Variants in SFSWAP observed in about 807,000 individuals in gnomAD.
SFSWAP encodes the protein splicing factor SWAP.
In SFSWAP, 17 loss-of-function variants were observed where a neutral mutation model predicts 100.7. That is an observed-to-expected ratio of 0.17 (90% CI 0.12 to 0.25). The LOEUF is 0.25. SFSWAP is among the 10% of genes least tolerant of loss of function. The pLI is 1.00. For synonymous variants in SFSWAP, 504 were observed against 510.1 expected, an observed-to-expected ratio of 0.99 and a Z score of 0.16; for missense variants, 1,005 against 1,262.6, an observed-to-expected ratio of 0.80 and a Z score of 3.09.
chr12:131,760,854 A>G (rs991774513), intron 11 of SFSWAP, among the ~76,000 whole-genome samples: 1 of 152,170 alleles, frequency 6.6e-6, no homozygotes, highest in Admixed American at 6.5e-5. Context: ...GGGGCAGATC[A>G]CGAAGTCGGG....
chr12:131,711,568 A>AC lies in SFSWAP; in HGVS notation c.218+126dup, dbSNP rs1877347948. ...TGGAGCCAGCGGGGATCTGGGGGACACCCCCTCCCCTGTCCCCACCTCCTC... is the reference window on the plus strand; with the variant it reads ...TGGAGCCAGCGGGGATCTGGGGGACACCCCCCTCCCCTGTCCCCACCTCCTC... On this transcript the variant is annotated intron_variant, in intron 1 of 17. Coordinates refer to ENST00000261674, the MANE Select transcript of SFSWAP (RefSeq NM_004592.4). This position sits in a 1 kb window ranked among gnomAD's most constrained non-coding sequence, Gnocchi z 4.9. 2.5e-6 allele frequency: 2 copies of AC among 808,210 alleles called. No individual in the cohort carries two copies. The highest frequency in any genetic ancestry group is 4.0e-6 in the Non-Finnish European group (2 of 503,404). The allele number at this position is 808,210 out of a possible 1,614,324, so 50.1% of individuals were successfully genotyped here.
intron 6 of SFSWAP, among the ~76,000 whole-genome samples, chr12:131,727,611 C>T (rs979760805): frequency 2.6e-5 from 4 of 152,072 alleles, no homozygotes; most frequent in South Asian, 2.1e-4. Context: ...CACTACTGCA[C>T]GCCAGCCTGG....
intron 15 of SFSWAP, among the ~76,000 whole-genome samples, chr12:131,795,545 C>T (rs1885576121): frequency 6.6e-6 from 1 of 152,202 alleles, no homozygotes; most frequent in Non-Finnish European, 1.5e-5. Flanking sequence ...GCACCCCAGA[C>T]TCTGAGCACA....
At chr12:131,741,978 G>A (rs1262257529) in intron 7 of SFSWAP, among the ~76,000 whole-genome samples, 2 of 152,116 alleles carry the variant, frequency 1.3e-5, no homozygotes, top group Non-Finnish European at 2.9e-5. Context: ...TGGTGTGGGT[G>A]GATTCTCCTT....
intron 11 of SFSWAP, among the ~76,000 whole-genome samples, chr12:131,759,969 T>C (rs901564218): frequency 1.2e-4 from 18 of 152,188 alleles, no homozygotes; most frequent in African/African-American, 3.9e-4. Flanking sequence ...CTCTCAGATG[T>C]TGATGATGAA....
intron 7 of SFSWAP, among the ~76,000 whole-genome samples, chr12:131,747,437 G>C (rs556892347): frequency 6.6e-6 from 1 of 152,224 alleles, no homozygotes; most frequent in African/African-American, 2.4e-5. Flanking sequence ...TGGGGGATGG[G>C]ACAGCAATGG....
intron 7 of SFSWAP, among the ~76,000 whole-genome samples, chr12:131,731,870 A>G (rs1003240686): frequency 4.0e-5 from 5 of 126,008 alleles, no homozygotes; most frequent in African/African-American, 1.5e-4. Flanking sequence ...TTTCATTTTC[A>G]TGATGTTTTT....
chr12:131,795,134 ATGT>A (rs903102561), intron 15 of SFSWAP, among the ~76,000 whole-genome samples: 9 of 152,358 alleles, frequency 5.9e-5, no homozygotes, highest in Middle Eastern at 3.4e-3. Flanking sequence ...AGTAAACAAC[ATGT>A]TGTCCTCACT....
chr12:131,721,445 G>C (rs1294103076), intron 4 of SFSWAP, among the ~76,000 whole-genome samples: 1 of 152,074 alleles, frequency 6.6e-6, no homozygotes, highest in Non-Finnish European at 1.5e-5. Flanking sequence ...TCTGAAATAT[G>C]TTTATTATGC....
At position 131,789,311 on chromosome 12, in the gene SFSWAP, C is replaced by G. The variant is rs559091732; in HGVS notation, c.2534+2723C>G. ...TCTGTAAACTGATTATTGCCTGATT[C>G]TTTCACTGACTTCTCACTTGGAAAC... On this transcript the variant is annotated intron_variant, in intron 15 of 17. Coordinates refer to ENST00000261674, the MANE Select transcript of SFSWAP (RefSeq NM_004592.4). 6.6e-5 allele frequency among the ~76,000 whole-genome samples: 10 copies of G among 152,280 alleles called. No individual in the cohort carries two copies. In the South Asian group the frequency reaches 2.1e-3, roughly 32 times the overall value.
intron 8 of SFSWAP, 41 bp from the exon 9 acceptor site, chr12:131,754,327 G>A (rs372259305): frequency 1.0e-5 from 15 of 1,458,880 alleles, no homozygotes; most frequent in Non-Finnish European, 1.4e-5. Context: ...AGCTTGGCGA[G>A]CCCCTGAAGC....
intron 7 of SFSWAP, among the ~76,000 whole-genome samples, chr12:131,747,103 CAAAAA>C (rs398021689): frequency 2.1e-5 from 2 of 96,914 alleles, no homozygotes; most frequent in Non-Finnish European, 4.0e-5. Context: ...GACTCTGTCT[CAAAAA>C]AAAAAAAAAA....
chr12:131,785,179 A>C, intron 14 of SFSWAP: 1 of 1,535,710 alleles, frequency 6.5e-7, no homozygotes, highest in Non-Finnish European at 8.7e-7. Context: ...GACCACCACC[A>C]GATTTGACTC....
chr12:131,743,916 A>C (rs1248804039), intron 7 of SFSWAP, among the ~76,000 whole-genome samples: 1 of 152,214 alleles, frequency 6.6e-6, no homozygotes. Context: ...GCTCAACACC[A>C]CATGGAAGCT....
chr12:131,756,399 C>T lies in SFSWAP; in HGVS notation c.1549-74C>T, dbSNP rs987730055. 2.7e-5 allele frequency: 33 copies of T among 1,227,434 alleles called. No homozygotes were observed. In the African/African-American group the frequency reaches 3.5e-4, roughly 13 times the overall value. The allele number at this position is 1,227,434 out of a possible 1,614,324, so 76.0% of individuals were successfully genotyped here. A position where few individuals can be genotyped will look rare whatever the true frequency, so the allele number is the denominator to read the frequency against. ...TGCCGTTGTCCAGTGAAACATATAC[C>T]GTATACATCTCTCTTTTTTTAAAAT... On this transcript the variant is annotated intron_variant, in intron 10 of 17. Transcript: ENST00000261674.
At chr12:131,726,861 C>A in intron 5 of SFSWAP, 79 bp from the exon 6 acceptor site, 1 of 894,362 alleles carries the variant, frequency 1.1e-6, no homozygotes, top group Non-Finnish European at 1.8e-6. Context: ...AACTTGGCTG[C>A]TTCTAAGTTT....
At chr12:131,789,986 A>G (rs980292648) in intron 15 of SFSWAP, among the ~76,000 whole-genome samples, 2 of 152,174 alleles carry the variant, frequency 1.3e-5, no homozygotes, top group African/African-American at 2.4e-5. Context: ...TCCTGCTCCC[A>G]GCAGCTGTCT....
intron 11 of SFSWAP, among the ~76,000 whole-genome samples, chr12:131,759,980 ACTT>A (rs1319100741): frequency 2.0e-5 from 3 of 152,222 alleles, no homozygotes; most frequent in Non-Finnish European, 2.9e-5. Flanking sequence ...TGATGATGAA[ACTT>A]CTTTAGTATA....
rs148444963 is a variant in SFSWAP, at chr12:131,754,380, C to T, written c.1335C>T (p.Pro445=). ...TCTTCTCCTGCAGTGCACTTGCCCC[C>T]GTGGCCGCCATCATCCCCCCGCCCC... is the stretch of plus-strand genomic sequence containing the variant. The part of the protein sequence containing the change: ...STTTTTSALA[P]VAAIIPPPPD... The change falls in exon 9 of 18, where the codon CCC becomes CCT. Residue 445 remains proline (P), a synonymous_variant. Coordinates refer to ENST00000261674, the MANE Select transcript of SFSWAP (RefSeq NM_004592.4). 1.7e-5 allele frequency: 26 copies of T among 1,573,952 alleles called. No homozygotes were observed. Among genetic ancestry groups the T allele is most frequent in the South Asian group, 3.5e-5 (3 of 85,410 alleles).
Sources: gnomAD v4.1 joint callset for allele counts (sites outside exome capture counted in the v4.1 genomes callset) on GRCh38, gnomAD v4.1.1 for gene constraint, Gnocchi (gnomAD v3.1) non-coding constraint, MANE v1.5 for transcripts, NCBI Gene and HGNC (gene_info 2026-07-23, HGNC 2026-07-21) for gene names.